The following ZNF814 variants were observed in gnomAD, a reference collection of about 807,000 sequenced individuals.
ZNF814 encodes zinc finger protein 814.
In ZNF814, 5 loss-of-function variants were observed where a neutral mutation model predicts 7.5. The ratio of observed to expected loss-of-function variants is 0.67; its 90% CI spans 0.35 to 1.40. The LOEUF (loss-of-function observed/expected upper bound fraction) is 1.40, where lower values mean the gene tolerates loss of function less well. ZNF814 is among the 40% of genes most tolerant of loss of function. The pLI, the probability that ZNF814 is intolerant of heterozygous loss-of-function variation, is 0.04. For missense variants in ZNF814, 962 were observed against 1,018.0 expected, an observed-to-expected ratio of 0.94 and a Z score of 0.75; for synonymous variants, 315 against 340.7, an observed-to-expected ratio of 0.92 and a Z score of 0.83.
chr19:57,872,501 T>G lies in ZNF814; in HGVS notation c.*321A>C. 1 of 531,050 alleles carries G rather than the reference T, an allele frequency of 1.9e-6. No homozygotes were observed. Among genetic ancestry groups the G allele is most frequent in the Admixed American group, 3.5e-5 (1 of 28,612 alleles). 32.9% of individuals were successfully genotyped at this position (531,050 alleles called of 1,614,324 possible). A position where few individuals can be genotyped will look rare whatever the true frequency, so the allele number is the denominator to read the frequency against. ...ATTGCCCAAATGTATTTTATTTGTC[T>G]AGTGTGAACTCTCTGATATTCAAGG... On this transcript the variant is annotated 3_prime_UTR_variant, in exon 3 of 3. Coordinates refer to ENST00000435989, the MANE Select transcript of ZNF814 (RefSeq NM_001144989.2).
rs757782817 is a variant in ZNF814 at position 57,888,861 on chromosome 19, G to C, written c.-59C>G. 8 of 1,536,954 alleles carry C rather than the reference G, an allele frequency of 5.2e-6. No homozygotes were observed. The highest frequency in any genetic ancestry group is 7.1e-6 in the Non-Finnish European group (8 of 1,134,036). On this transcript the variant is annotated 5_prime_UTR_variant, in exon 1 of 3. Transcript: ENST00000435989. ...TAGGGCGACCAGCCAGGAGATATGG[G>C]CACGACGGTCCGTATCCTGGCCCAG... is the stretch of plus-strand genomic sequence containing the variant.
Position 57,872,743 on chromosome 19 carries a change from T to C in ZNF814, c.*79A>G, listed in dbSNP as rs932277846. 2.0e-5 allele frequency: 32 copies of C among 1,606,836 alleles called. No homozygotes were observed. The highest frequency in any genetic ancestry group is 2.6e-5 in the Non-Finnish European group (31 of 1,176,212). ...ACTTCCCACAATCACTGCATTCATA[T>C]GGCCTTTCTCCAGTGTGAACTCTCT... is the stretch of plus-strand genomic sequence containing the variant. On this transcript the variant is annotated 3_prime_UTR_variant, in exon 3 of 3. Coordinates refer to ENST00000435989, the MANE Select transcript of ZNF814 (RefSeq NM_001144989.2).
chr19:57,896,085 C>T, the ZNF814 span, among the ~76,000 whole-genome samples: 1 of 151,390 alleles, frequency 6.6e-6, no homozygotes, highest in Non-Finnish European at 1.5e-5. This position sits in a 1 kb window ranked among gnomAD's most constrained non-coding sequence, Gnocchi z 4.2. Context: ...AGAGGGGTGC[C>T]TCTTTGGCCA....
chr19:57,891,683 T>C (rs2071735620), upstream of ZNF814, among the ~76,000 whole-genome samples: 1 of 152,090 alleles, frequency 6.6e-6, no homozygotes, highest in Admixed American at 6.5e-5. Context: ...TGAAACCCAA[T>C]CTCTACTAAA....
chr19:57,891,882 T>G (rs1432663184), upstream of ZNF814, among the ~76,000 whole-genome samples: 1 of 152,080 alleles, frequency 6.6e-6, no homozygotes, highest in Non-Finnish European at 1.5e-5. Flanking sequence ...GCATCCTGAG[T>G]ACCTGGGACT....
the ZNF814 span, among the ~76,000 whole-genome samples, chr19:57,895,751 A>G: frequency 6.6e-6 from 1 of 152,120 alleles, no homozygotes; most frequent in Non-Finnish European, 1.5e-5. Context: ...GGGTTTCTTC[A>G]GTATCATCCC....
chr19:57,875,493 C>T (rs2071598838), intron 2 of ZNF814, among the ~76,000 whole-genome samples: 1 of 152,224 alleles, frequency 6.6e-6, no homozygotes, highest in Non-Finnish European at 1.5e-5. Context: ...ATCTGCAAAC[C>T]ACTCATCTGC....
Position 57,889,018 on chromosome 19 carries a change from A to T in ZNF814, c.-216T>A, listed in dbSNP as rs748003699. 15 of 557,584 alleles carry T rather than the reference A, an allele frequency of 2.7e-5. No individual in the cohort carries two copies. In the African/African-American group the frequency reaches 2.8e-4, roughly 10 times the overall value. The allele number at this position is 557,584 out of a possible 1,614,324, so 34.5% of individuals were successfully genotyped here. ...CGCTCAGGAGCCTCTCCTACAAATA[A>T]ATCCAACACCAATCAAAATGGCCGC... On this transcript the variant is annotated 5_prime_UTR_variant, in exon 1 of 3. Coordinates refer to ENST00000435989, the MANE Select transcript of ZNF814 (RefSeq NM_001144989.2).
Position 57,870,594 on chromosome 19 carries a change from A to G in ZNF814, c.*2228T>C, listed in dbSNP as rs1462849044. 1.3e-5 allele frequency: 2 copies of G among 152,230 alleles called. No individual in the cohort carries two copies. The highest frequency in any genetic ancestry group is 4.8e-5 in the African/African-American group (2 of 41,448). 9.4% of individuals were successfully genotyped at this position (152,230 alleles called of 1,614,324 possible). A position where few individuals can be genotyped will look rare whatever the true frequency, so the allele number is the denominator to read the frequency against. ...TATTTCCTCTGACAATGGCCTCAAC[A>G]ATACAATATTCATCATTATGGAAGT... is the stretch of plus-strand genomic sequence containing the variant. On this transcript the variant is annotated 3_prime_UTR_variant, in exon 3 of 3. Transcript: ENST00000435989.
At chr19:57,883,963 C>A (rs190627847) in intron 1 of ZNF814, among the ~76,000 whole-genome samples, 1 of 152,016 alleles carries the variant, frequency 6.6e-6, no homozygotes, top group Admixed American at 6.6e-5. Context: ...CCCCATGTTG[C>A]CCAGGCTGGT....
upstream of ZNF814, among the ~76,000 whole-genome samples, chr19:57,893,277 G>A (rs145822586): frequency 6.4e-3 from 955 of 150,346 alleles, 13 homozygotes; most frequent in African/African-American, 0.022. Context: ...GGGTTCAAAC[G>A]ATTCTCTTGC....
At position 57,888,795 on chromosome 19, in the gene ZNF814, G is replaced by A. The variant is rs545157975; in HGVS notation, c.8C>T (p.Ala3Val). Residue 3 changes from alanine (A) to valine (V), a missense_variant, in exon 1 of 3, where the codon GCC becomes GTC. Physicochemically the swap from Ala to Val is moderately conservative, Grantham distance 64 (BLOSUM62 0). Coordinates refer to ENST00000435989, the MANE Select transcript of ZNF814 (RefSeq NM_001144989.2). ...AGCGGAGAGCCTCAGCGTAGCCGCG[G>A]CAGCCATCGAACCACGTGGTTTTAA... MA[A>V]AATLRLSAQG... 3.5e-4 allele frequency: 546 copies of A among 1,551,960 alleles called. 11 individuals carry two copies. The South Asian group carries it at 5.7e-3, about 16-fold the overall frequency.
chr19:57,875,812 C>T (rs2122433291), intron 2 of ZNF814, among the ~76,000 whole-genome samples: 1 of 152,194 alleles, frequency 6.6e-6, no homozygotes, highest in African/African-American at 2.4e-5. Context: ...GTGTGATGCT[C>T]TCAAGAATGA....
At chr19:57,904,650 G>A in the ZNF814 span, among the ~76,000 whole-genome samples, 38 of 152,224 alleles carry the variant, frequency 2.5e-4, no homozygotes, top group Middle Eastern at 6.8e-3. Context: ...GACTTTCACG[G>A]ATTTTGTAAT....
the ZNF814 span, among the ~76,000 whole-genome samples, chr19:57,896,686 A>G: frequency 2.0e-5 from 3 of 152,218 alleles, no homozygotes; most frequent in Non-Finnish European, 4.4e-5. This position sits in a 1 kb window ranked among gnomAD's most constrained non-coding sequence, Gnocchi z 4.2. Flanking sequence ...TAAGCTATTA[A>G]TGGAATTTAA....
chr19:57,883,166 G>A (rs1055847314), intron 1 of ZNF814, among the ~76,000 whole-genome samples: 3 of 151,760 alleles, frequency 2.0e-5, no homozygotes, highest in Admixed American at 1.3e-4. Context: ...AGACCATCCT[G>A]GCTAATGGGG....
At chr19:57,893,854 A>C (rs2071744747), upstream of ZNF814, among the ~76,000 whole-genome samples, 2 of 150,140 alleles carry the variant, frequency 1.3e-5, no homozygotes, top group African/African-American at 4.9e-5. Flanking sequence ...TGGGAGGTGG[A>C]GATTGTAGTG....
At chr19:57,899,380 C>T in the ZNF814 span, among the ~76,000 whole-genome samples, 1,007 of 152,326 alleles carry the variant, frequency 6.6e-3, 16 homozygotes, top group African/African-American at 0.023. Context: ...TGCTGCAGGA[C>T]TAATCATAGC....
At chr19:57,880,688 C>T (rs1477260336) in intron 1 of ZNF814, among the ~76,000 whole-genome samples, 1,265 of 138,300 alleles carry the variant, frequency 9.1e-3, no homozygotes, top group African/African-American at 0.032. Context: ...CTCACTGCAA[C>T]CTCTGCCTCC....
Sources: allele counts gnomAD v4.1 joint callset (sites outside exome capture counted in the v4.1 genomes callset), GRCh38; gene constraint gnomAD v4.1.1; non-coding constraint Gnocchi (gnomAD v3.1); transcripts MANE v1.5; gene names NCBI Gene and HGNC (gene_info 2026-07-23, HGNC 2026-07-21).